ZNF714: variants seen among roughly 807,000 people sequenced by gnomAD.
The protein encoded by ZNF714 is zinc finger protein 714.
In ZNF714, 32 loss-of-function variants were observed where a neutral mutation model predicts 46.2. That is an observed-to-expected ratio of 0.69 (90% CI 0.52 to 0.93). The LOEUF (loss-of-function observed/expected upper bound fraction) is 0.93. ZNF714 is among the 40% of genes least tolerant of loss of function. The probability of loss-of-function intolerance (pLI) is 0.00; values close to 1 mark genes in which losing one functional copy is unlikely to be tolerated. For synonymous variants in ZNF714, 199 were observed against 213.1 expected (o/e 0.93, Z 0.58); for missense variants, 635 against 646.3 (o/e 0.98, Z 0.19).
intron 4 of ZNF714, 49 bp downstream of exon 4, chr19:21,098,959 T>TAAAA (rs34494287): frequency 1.9e-5 from 13 of 679,162 alleles, no homozygotes; most frequent in Admixed American, 3.2e-5. Context: ...GGTACAAAGG[T>TAAAA]AAAAAAAAAA....
chr19:21,099,169 T>G (rs550943950), intron 4 of ZNF714, among the ~76,000 whole-genome samples: 37 of 152,104 alleles, frequency 2.4e-4, no homozygotes, highest in Admixed American at 7.2e-4. Flanking sequence ...ACACTGTTTT[T>G]TTTTGTTTTG....
Position 21,117,676 on chromosome 19 carries a change from G to C in ZNF714, c.1012G>C (p.Glu338Gln), listed in dbSNP as rs772611631. The C allele has an allele frequency of 2.5e-6, 4 of 1,613,290 alleles. No homozygotes were observed. The highest frequency in any genetic ancestry group is 2.2e-5 in the East Asian group (1 of 44,820). Residue 338 changes from glutamate (E) to glutamine (Q), a missense_variant, in exon 5 of 5, where the codon GAG (glutamate) becomes CAG (glutamine). Coordinates refer to ENST00000456283, the MANE Select transcript of ZNF714 (RefSeq NM_182515.4). ...LTKHKRIHTG[E>Q]KPYKCEECGK... is the part of the protein sequence containing the mutation. ...AAAACATAAAAGAATTCATACTGGA[G>C]AGAAACCCTACAAATGTGAAGAATG...
At chr19:21,099,102 T>C (rs1422266847) in intron 4 of ZNF714, among the ~76,000 whole-genome samples, 192 bp downstream of exon 4, 1 of 152,254 alleles carries the variant, frequency 6.6e-6, no homozygotes, top group Non-Finnish European at 1.5e-5. Flanking sequence ...TTTTAAATTC[T>C]CTAAGAATTT....
intron 4 of ZNF714, among the ~76,000 whole-genome samples, chr19:21,107,612 G>A (rs1969353931): frequency 6.6e-6 from 1 of 151,762 alleles, no homozygotes; most frequent in Non-Finnish European, 1.5e-5. Context: ...GTTTCCCACT[G>A]TAGTTTGTAC....
At position 21,119,064 on chromosome 19, in the gene ZNF714, AATAAAAGC is replaced by A. The variant is rs1969665024; in HGVS notation, c.*735_*742del. On this transcript the variant is annotated 3_prime_UTR_variant, in exon 5 of 5. Coordinates refer to ENST00000456283, the MANE Select transcript of ZNF714 (RefSeq NM_182515.4). ...TCTCAACACCAGATAGTTCATACTT[AATAAAAGC>A]ATTATAAGTACAATTACTGTCAAAA... 4.5e-6 allele frequency: 2 copies of A among 442,306 alleles called. No individual in the cohort carries two copies. 27.4% of individuals were successfully genotyped at this position (442,306 alleles called of 1,614,324 possible).
At position 21,098,839 on chromosome 19, in the gene ZNF714, C is replaced by T. The variant is rs374215744; in HGVS notation, c.71C>T (p.Pro24Leu). Reference sequence around the variant, plus strand: ...GGTATTGCTGTCTCTAAGCAAGACCCGATCACCAGTCTAGAGCAAGAAAAA... The same window carrying T: ...GGTATTGCTGTCTCTAAGCAAGACCTGATCACCAGTCTAGAGCAAGAAAAA... ...LAGIAVSKQD[P>L]ITSLEQEKEP... Residue 24 changes from proline (P) to leucine (L), a missense_variant, in exon 4 of 5, where the codon CCG (proline) becomes CTG (leucine). Physicochemically the swap from Pro to Leu is moderately conservative, Grantham distance 98. Coordinates refer to ENST00000456283, the MANE Select transcript of ZNF714 (RefSeq NM_182515.4). 101 of 1,609,240 alleles carry T rather than the reference C, an allele frequency of 6.3e-5. No individual in the cohort carries two copies. The East Asian group carries it at 9.4e-4, about 15-fold the overall frequency.
At chr19:21,090,741 A>G (rs1348526869) in intron 2 of ZNF714, among the ~76,000 whole-genome samples, 2 of 152,136 alleles carry the variant, frequency 1.3e-5, no homozygotes, top group Non-Finnish European at 2.9e-5. Context: ...AAAGCAAGTT[A>G]ATTAAGAAAG....
intron 2 of ZNF714, among the ~76,000 whole-genome samples, chr19:21,092,574 A>AT (rs202001284): frequency 5.1e-4 from 77 of 150,650 alleles, no homozygotes; most frequent in African/African-American, 1.7e-3. Flanking sequence ...CCACGCATGG[A>AT]TTTTTTTTTT....
intron 2 of ZNF714, among the ~76,000 whole-genome samples, chr19:21,097,199 T>C (rs1313149215): frequency 2.0e-5 from 3 of 152,182 alleles, no homozygotes; most frequent in Non-Finnish European, 4.4e-5. Context: ...CAGGAAGTTC[T>C]GGAGAAAATT....
chr19:21,107,189 C>A (rs887262198), intron 4 of ZNF714, among the ~76,000 whole-genome samples: 1 of 151,446 alleles, frequency 6.6e-6, no homozygotes, highest in Non-Finnish European at 1.5e-5. Flanking sequence ...TTTTCCTGGG[C>A]GTTTGGCTGG....
intron 2 of ZNF714, 119 bp from the exon 3 acceptor site, chr19:21,098,066 G>T (rs1969085298): frequency 6.5e-6 from 9 of 1,395,244 alleles, no homozygotes; most frequent in Non-Finnish European, 8.6e-6. Context: ...GATAATTTCA[G>T]TTATTCTTAT....
chr19:21,099,302 T>G (rs1265894058), intron 4 of ZNF714, among the ~76,000 whole-genome samples: 1 of 151,992 alleles, frequency 6.6e-6, no homozygotes, highest in African/African-American at 2.4e-5. Flanking sequence ...CTCAGTCTCC[T>G]GGGTAGCTGA....
Position 21,118,079 on chromosome 19 carries a change from A to T in ZNF714, c.1415A>T (p.Asn472Ile), listed in dbSNP as rs970693231. ...FNRSSNLTKH[N>I]IIHTGEKSYK... The stretch of plus-strand genomic sequence containing the variant: ...CGATCCTCAAACCTTACTAAACATA[A>T]CATAATTCATACTGGAGAGAAATCT... The change falls in exon 5 of 5, where the codon AAC becomes ATC. Residue 472 changes from asparagine to isoleucine, a missense_variant. By Grantham distance (149) the Asn-to-Ile change is moderately radical. Coordinates refer to ENST00000456283, the MANE Select transcript of ZNF714 (RefSeq NM_182515.4). 1 of 1,613,946 alleles carries T rather than the reference A, an allele frequency of 6.2e-7. No homozygotes were observed. Among genetic ancestry groups the T allele is most frequent in the Non-Finnish European group, 8.5e-7 (1 of 1,179,936 alleles).
intron 2 of ZNF714, among the ~76,000 whole-genome samples, chr19:21,092,364 G>A (rs2144831225): frequency 6.6e-6 from 1 of 152,326 alleles, no homozygotes; most frequent in East Asian, 1.9e-4. Context: ...AGCCACAAAA[G>A]TGTCAAGTCT....
chr19:21,117,535 G>C lies in ZNF714; in HGVS notation c.871G>C (p.Asp291His). ...AAAACCCTACAAATGTGAAGAATGT[G>C]ACAAAGCTTTTAACCGATTCTCATA... Reference protein sequence around the residue: ...KEKPYKCEECDKAFNRFSYLT... With the variant: ...KEKPYKCEECHKAFNRFSYLT... The change falls in exon 5 of 5, where the codon GAC becomes CAC. Residue 291 changes from aspartate to histidine, a missense_variant. By Grantham distance (81) the Asp-to-His change is moderately conservative (BLOSUM62 -1). Transcript: ENST00000456283. The C allele has an allele frequency of 6.2e-7, 1 of 1,606,614 alleles. No individual in the cohort carries two copies. The highest frequency in any genetic ancestry group is 8.5e-7 in the Non-Finnish European group (1 of 1,175,928).
rs1364960907 is a variant in ZNF714, at chr19:21,121,427, TTATA to T, written c.*3099_*3102del. ...GTTATTTTTATGGTCATAATACAAA[TTATA>T]TATGAGTATAAATAAAATTCATTTC... On this transcript the variant is annotated 3_prime_UTR_variant, in exon 5 of 5. Transcript: ENST00000456283. 2 of 152,332 alleles carry T rather than the reference TTATA, an allele frequency of 1.3e-5. No homozygotes were observed. The highest frequency in any genetic ancestry group is 2.1e-4 in the South Asian group (1 of 4,824). The allele number at this position is 152,332 out of a possible 1,614,324, so 9.4% of individuals were successfully genotyped here. A position where few individuals can be genotyped will look rare whatever the true frequency, so the allele number is the denominator to read the frequency against.
At chr19:21,113,519 T>C (rs1969512186) in intron 4 of ZNF714, among the ~76,000 whole-genome samples, 1 of 151,608 alleles carries the variant, frequency 6.6e-6, no homozygotes, top group Non-Finnish European at 1.5e-5. Flanking sequence ...CTTCTTTTTT[T>C]TTTTTGAGAC....
At chr19:21,084,702 ATTT>A (rs36069214) in intron 2 of ZNF714, among the ~76,000 whole-genome samples, 53 of 135,226 alleles carry the variant, frequency 3.9e-4, no homozygotes, top group African/African-American at 1.2e-3. Flanking sequence ...AAGGTAGGAA[ATTT>A]TTTTTTTTTT....
intron 4 of ZNF714, chr19:21,113,354 GTTT>G (rs869243327): frequency 2.2e-5 from 1 of 45,836 alleles, no homozygotes; most frequent in Non-Finnish European, 6.1e-5. Context: ...TTTTTGTTTT[GTTT>G]TTGTTTGTTT....
Sources: gnomAD v4.1 joint callset for allele counts (sites outside exome capture counted in the v4.1 genomes callset) on GRCh38, gnomAD v4.1.1 for gene constraint, MANE v1.5 for transcripts, NCBI Gene and HGNC (gene_info 2026-07-23, HGNC 2026-07-21) for gene names.